Variants in RIN2 observed in about 807,000 individuals in gnomAD.
The protein encoded by RIN2 is Ras and Rab interactor 2.
A neutral mutation model predicts 78.0 loss-of-function variants in RIN2; 36 were observed. The observed-to-expected ratio is 0.46, with a 90% CI of 0.35 to 0.61. The LOEUF is 0.61. Ranked by LOEUF, RIN2 falls within the 20% of genes least tolerant of loss-of-function variation. The probability of loss-of-function intolerance (pLI) is 0.00; values close to 1 mark genes in which losing one functional copy is unlikely to be tolerated. For synonymous variants in RIN2, 466 were observed against 466.8 expected (o/e 1.00, Z 0.02); for missense variants, 1,087 against 1,159.7 (o/e 0.94, Z 0.91).
intron 12 of RIN2, 80 bp from the exon 13 acceptor site, chr20:20,000,533 A>C: frequency 8.9e-7 from 1 of 1,117,874 alleles, no homozygotes; most frequent in Non-Finnish European, 1.3e-6. Flanking sequence ...GCTTACAGTT[A>C]CCCCCTCCCC....
rs1177544281 is a variant in RIN2 at position 19,855,945 on chromosome 20, G to T, written c.-36-33621G>T. Among the ~76,000 whole-genome samples the T allele has an allele frequency of 2.6e-5, 4 of 152,096 alleles. No individual in the cohort carries two copies. In the East Asian group the frequency reaches 7.7e-4, roughly 29 times the overall value. On this transcript the variant is annotated intron_variant, in intron 2 of 12. Coordinates refer to ENST00000255006, the MANE Select transcript of RIN2 (RefSeq NM_018993.4). The stretch of plus-strand genomic sequence containing the variant: ...AAAAATTAGCAGGGTATGGTGGCAG[G>T]CACCTGTGATCCCAGCTACTCGGGA...
intron 2 of RIN2, among the ~76,000 whole-genome samples, chr20:19,852,230 A>G (rs2037005912): frequency 1.3e-5 from 2 of 152,202 alleles, no homozygotes; most frequent in South Asian, 2.1e-4. Flanking sequence ...AAGGGTGTGG[A>G]TAAATAGAAG....
rs768375582 is a variant in RIN2 at position 19,956,648 on chromosome 20, G to T, written c.192G>T (p.Glu64Asp). 1.9e-6 allele frequency: 3 copies of T among 1,613,494 alleles called. No individual in the cohort carries two copies. The Admixed American group carries it at 5.0e-5, about 27-fold the overall frequency. Residue 64 changes from glutamate to aspartate, a missense_variant, in exon 5 of 13, where the codon GAG (glutamate) becomes GAT (aspartate). Coordinates refer to ENST00000255006, the MANE Select transcript of RIN2 (RefSeq NM_018993.4). ...MVRHKDGGYSEEEDVKTCARD... is the reference protein window; with the variant it reads ...MVRHKDGGYSDEEDVKTCARD... Reference sequence around the variant, plus strand: ...GACACAAGGATGGTGGCTATTCCGAGGAAGAGGACGTGAAGACCTGTGCCC... The same window carrying T: ...GACACAAGGATGGTGGCTATTCCGATGAAGAGGACGTGAAGACCTGTGCCC...
At chr20:19,833,724 G>A (rs2036320689) in intron 2 of RIN2, among the ~76,000 whole-genome samples, 1 of 152,194 alleles carries the variant, frequency 6.6e-6, no homozygotes, top group African/African-American at 2.4e-5. Context: ...ACCGTGTTAG[G>A]AGTGGTGGCT....
At chr20:19,893,756 G>A (rs1176799241) in intron 3 of RIN2, among the ~76,000 whole-genome samples, 1 of 152,188 alleles carries the variant, frequency 6.6e-6, no homozygotes, top group Non-Finnish European at 1.5e-5. Flanking sequence ...TCTGGGAAAA[G>A]TGGTATCTTC....
intron 8 of RIN2, 122 bp from the exon 9 acceptor site, chr20:19,974,532 C>G (rs1436671764): frequency 1.0e-6 from 1 of 958,306 alleles, no homozygotes; most frequent in Non-Finnish European, 1.5e-6. Flanking sequence ...CTGAGTACAA[C>G]GCACCCCCTA....
intron 4 of RIN2, among the ~76,000 whole-genome samples, chr20:19,955,899 A>G (rs1246538268): frequency 6.6e-6 from 1 of 152,206 alleles, no homozygotes; most frequent in Admixed American, 6.5e-5. Flanking sequence ...GCTACTGAGC[A>G]TTAGGAACTC....
chr20:19,835,919 A>T (rs2036407459), intron 2 of RIN2, among the ~76,000 whole-genome samples: 1 of 152,166 alleles, frequency 6.6e-6, no homozygotes, highest in African/African-American at 2.4e-5. Flanking sequence ...CGATGAGGGA[A>T]TCCAGGGTCC....
At chr20:19,771,057 T>C (rs549964819) in intron 1 of RIN2, among the ~76,000 whole-genome samples, 1 of 152,308 alleles carries the variant, frequency 6.6e-6, no homozygotes, top group East Asian at 1.9e-4. Context: ...TTGCAAAGGA[T>C]ACAGATGAAG....
chr20:19,830,832 C>G (rs1278325520), intron 2 of RIN2, among the ~76,000 whole-genome samples: 2 of 152,182 alleles, frequency 1.3e-5, no homozygotes, highest in African/African-American at 4.8e-5. Flanking sequence ...TCATGCCATG[C>G]CCAGGGATAC....
chr20:19,987,746 T>C (rs550010089), intron 9 of RIN2, among the ~76,000 whole-genome samples: 1 of 152,366 alleles, frequency 6.6e-6, no homozygotes, highest in African/African-American at 2.4e-5. Flanking sequence ...AAGCAACCAA[T>C]GTAAACCAAG....
At chr20:19,989,960 T>C (rs763754482) in intron 9 of RIN2, 46 bp from the exon 10 acceptor site, 2 of 1,469,074 alleles carry the variant, frequency 1.4e-6, no homozygotes, top group East Asian at 4.8e-5. Flanking sequence ...GTTGCATTTC[T>C]TCTTTCTTCA....
intron 4 of RIN2, among the ~76,000 whole-genome samples, chr20:19,939,846 CTTTCT>C (rs2040792892): frequency 1.7e-5 from 2 of 114,676 alleles, no homozygotes; most frequent in South Asian, 3.4e-4. Flanking sequence ...CCTGTCCATT[CTTTCT>C]TTTTTTTTTT....
intron 1 of RIN2, among the ~76,000 whole-genome samples, chr20:19,796,126 T>G (rs746397108): frequency 2.0e-4 from 30 of 151,902 alleles, no homozygotes; most frequent in Non-Finnish European, 3.4e-4. Flanking sequence ...TAGGGCAAAG[T>G]GTAACACACA....
chr20:19,848,110 G>T (rs1370440076), intron 2 of RIN2, among the ~76,000 whole-genome samples: 2 of 152,152 alleles, frequency 1.3e-5, no homozygotes, highest in African/African-American at 4.8e-5. Flanking sequence ...TTGAGGTGTT[G>T]GTGGCATTCT....
intron 2 of RIN2, among the ~76,000 whole-genome samples, chr20:19,848,923 A>C (rs894486840): frequency 1.3e-5 from 2 of 152,156 alleles, no homozygotes; most frequent in Admixed American, 1.3e-4. Context: ...CTCTTTATTT[A>C]AACTAAAATC....
chr20:19,975,175 G>C lies in RIN2; in HGVS notation c.1150G>C (p.Ala384Pro), dbSNP rs1456608915. The change falls in exon 9 of 13, where the codon GCA (alanine) becomes CCA (proline). Residue 384 changes from alanine (A) to proline (P), a missense_variant. By Grantham distance (27) the Ala-to-Pro change is conservative. Transcript: ENST00000255006. This position sits in a 1 kb window ranked among gnomAD's most constrained non-coding sequence, Gnocchi z 4.9. ...AKTLSGGRPG[A>P]GPELELGTAG... ...GACCTTGAGCGGCGGCCGGCCGGGC[G>C]CAGGCCCGGAGCTGGAGCTGGGCAC... is the stretch of plus-strand genomic sequence containing the variant. 1 of 1,609,896 alleles carries C rather than the reference G, an allele frequency of 6.2e-7. No individual in the cohort carries two copies. The highest frequency in any genetic ancestry group is 1.1e-5 in the South Asian group (1 of 90,854).
intron 10 of RIN2, 51 bp downstream of exon 10, chr20:19,990,362 G>A: frequency 6.5e-7 from 1 of 1,534,764 alleles, no homozygotes; most frequent in Non-Finnish European, 8.8e-7. Context: ...CCGGGCCGGG[G>A]ACAGGCCTCT....
intron 2 of RIN2, among the ~76,000 whole-genome samples, chr20:19,813,723 TA>T (rs1238678917): frequency 6.6e-6 from 1 of 152,208 alleles, no homozygotes; most frequent in Non-Finnish European, 1.5e-5. Context: ...ATGTATTTTT[TA>T]AAAAAATGAA....
Sources: gnomAD v4.1 joint callset for allele counts (sites outside exome capture counted in the v4.1 genomes callset) on GRCh38, gnomAD v4.1.1 for gene constraint, Gnocchi (gnomAD v3.1) non-coding constraint, MANE v1.5 for transcripts, NCBI Gene and HGNC (gene_info 2026-07-23, HGNC 2026-07-21) for gene names.